RBFOX1: variants seen among roughly 807,000 people sequenced by gnomAD.
RBFOX1 encodes the protein RNA binding protein fox-1 homolog 1.
RBFOX1 carries 8 observed loss-of-function variants against 57.7 expected under a neutral mutation model. That is an observed-to-expected ratio of 0.14 (90% CI 0.08 to 0.25). RBFOX1 has a LOEUF of 0.25. Ranked by LOEUF, RBFOX1 falls within the 10% of genes least tolerant of loss-of-function variation. The pLI is 1.00. For missense variants in RBFOX1, 611 were observed against 548.5 expected (o/e 1.11, Z -1.14); for synonymous variants, 326 against 222.4 (o/e 1.47, Z -4.15).
intron 4 of RBFOX1, among the ~76,000 whole-genome samples, chr16:7,267,126 G>C (rs1037057621): frequency 6.6e-6 from 1 of 152,194 alleles, no homozygotes; most frequent in Non-Finnish European, 1.5e-5. Flanking sequence ...AATGCAATGG[G>C]GAGCTGGGCA....
intron 4 of RBFOX1, among the ~76,000 whole-genome samples, chr16:7,209,498 C>T (rs540333933): frequency 5.9e-5 from 9 of 152,294 alleles, no homozygotes; most frequent in African/African-American, 1.9e-4. Context: ...CAGTTGGCTC[C>T]TGCCAGCTTA....
chr16:6,438,838 C>G (rs2094304368), intron 2 of RBFOX1, among the ~76,000 whole-genome samples: 1 of 152,176 alleles, frequency 6.6e-6, no homozygotes, highest in Non-Finnish European at 1.5e-5. Flanking sequence ...GTGCTCACCA[C>G]TGTACCTGAG....
intron 3 of RBFOX1, among the ~76,000 whole-genome samples, chr16:5,716,240 G>T (rs1011705167): frequency 6.6e-6 from 1 of 152,040 alleles, no homozygotes; most frequent in South Asian, 2.1e-4. Flanking sequence ...TAAAATCAGC[G>T]GCAAAAACTG....
intron 4 of RBFOX1, among the ~76,000 whole-genome samples, chr16:7,181,856 C>A (rs530166387): frequency 1.3e-5 from 2 of 152,102 alleles, no homozygotes; most frequent in Non-Finnish European, 2.9e-5. Flanking sequence ...ACACCATACC[C>A]GGGCCCCAGA....
chr16:5,359,975 A>G (rs1015698668), intron 1 of RBFOX1, among the ~76,000 whole-genome samples: 5 of 152,204 alleles, frequency 3.3e-5, no homozygotes, highest in Admixed American at 6.5e-5. Flanking sequence ...TTTGTTCCAG[A>G]GCGAAAACAA....
chr16:6,703,643 G>C (rs533883771), intron 3 of RBFOX1, among the ~76,000 whole-genome samples: 8 of 152,198 alleles, frequency 5.3e-5, no homozygotes, highest in African/African-American at 1.9e-4. Context: ...AGAAGTTGAG[G>C]CTGCAGTGAG....
In RBFOX1 at chr16:7,101,219, G is replaced by A. The variant is rs562896804; in HGVS notation, c.27+49121G>A. On this transcript the variant is annotated intron_variant, in intron 4 of 15. Coordinates refer to ENST00000550418, the MANE Select transcript of RBFOX1 (RefSeq NM_018723.4). ...ATGCAGGCCCCATTTTTGTGACTAGGAATTTATTCTGCACCAGCGTGGCAT... is the reference window on the plus strand; with the variant it reads ...ATGCAGGCCCCATTTTTGTGACTAGAAATTTATTCTGCACCAGCGTGGCAT... 2.0e-5 allele frequency among the ~76,000 whole-genome samples: 3 copies of A among 152,180 alleles called. No homozygotes were observed. In the East Asian group the frequency reaches 5.8e-4, roughly 29 times the overall value.
chr16:5,347,943 T>C (rs2065178891), intron 1 of RBFOX1, among the ~76,000 whole-genome samples: 1 of 107,642 alleles, frequency 9.3e-6, no homozygotes. Context: ...CACTCAATCA[T>C]GCACTCATTC....
At chr16:6,800,509 C>T (rs764156086) in intron 3 of RBFOX1, among the ~76,000 whole-genome samples, 1 of 152,046 alleles carries the variant, frequency 6.6e-6, no homozygotes, top group Non-Finnish European at 1.5e-5. Context: ...AATAGGCTTC[C>T]AGGTGATTCA....
At chr16:7,672,408 A>G (rs930691455) in intron 13 of RBFOX1, among the ~76,000 whole-genome samples, 1 of 152,220 alleles carries the variant, frequency 6.6e-6, no homozygotes, top group Non-Finnish European at 1.5e-5. Flanking sequence ...TTACGAAAGT[A>G]CTTTTTGTAA....
intron 5 of RBFOX1, among the ~76,000 whole-genome samples, chr16:7,536,979 G>T (rs990766882): frequency 6.6e-6 from 1 of 152,192 alleles, no homozygotes; most frequent in African/African-American, 2.4e-5. Flanking sequence ...GGTGGCCCAA[G>T]TTGAGGATAA....
chr16:5,823,730 C>G (rs540051061), intron 3 of RBFOX1, among the ~76,000 whole-genome samples: 4 of 152,246 alleles, frequency 2.6e-5, no homozygotes, highest in Admixed American at 1.3e-4. Context: ...GTTGCATGCT[C>G]CTTATGAGAA....
chr16:6,822,522 C>T (rs1042494792), intron 3 of RBFOX1, among the ~76,000 whole-genome samples: 1 of 152,166 alleles, frequency 6.6e-6, no homozygotes, highest in African/African-American at 2.4e-5. Context: ...AATGCAATTC[C>T]ACTTCGTGGC....
At chr16:6,337,530 A>T (rs78202719) in intron 2 of RBFOX1, among the ~76,000 whole-genome samples, 12 of 152,338 alleles carry the variant, frequency 7.9e-5, no homozygotes, top group African/African-American at 2.9e-4. Context: ...GAAATGATTG[A>T]TGTGGAAGTA....
At chr16:7,687,331 A>G (rs1020378079) in intron 14 of RBFOX1, among the ~76,000 whole-genome samples, 2 of 152,044 alleles carry the variant, frequency 1.3e-5, no homozygotes, top group African/African-American at 4.8e-5. Flanking sequence ...CTCCCTTTGA[A>G]GGTGATAAAA....
At position 6,855,875 on chromosome 16, in the gene RBFOX1, C is replaced by T. The variant is rs534191898; in HGVS notation, c.-15-196182C>T. Among the ~76,000 whole-genome samples the T allele has an allele frequency of 2.7e-5, 4 of 150,578 alleles. No homozygotes were observed. In the East Asian group the frequency reaches 6.0e-4, roughly 23 times the overall value. On this transcript the variant is annotated intron_variant, in intron 3 of 15. Coordinates refer to ENST00000550418, the MANE Select transcript of RBFOX1 (RefSeq NM_018723.4). The stretch of plus-strand genomic sequence containing the variant: ...CCTCCCTTCCTTTCTTCCCTGCTTT[C>T]TTCCCTCCTTGTCTCCCTCCTTACC...
At chr16:6,704,758 G>C (rs1034805862) in intron 3 of RBFOX1, 1 of 152,084 alleles carries the variant, frequency 6.6e-6, no homozygotes, top group African/African-American at 2.4e-5. Context: ...TCTGCCATCT[G>C]GTCTCGGAGA....
intron 1 of RBFOX1, among the ~76,000 whole-genome samples, chr16:6,234,058 G>GCT (rs1400612126): frequency 9.2e-5 from 14 of 152,262 alleles, no homozygotes; most frequent in Admixed American, 3.3e-4. Context: ...CAGATGGGCA[G>GCT]GCTGGCCAAA....
At chr16:5,660,145 G>A (rs2049597637) in intron 3 of RBFOX1, among the ~76,000 whole-genome samples, 1 of 152,214 alleles carries the variant, frequency 6.6e-6, no homozygotes, top group South Asian at 2.1e-4. Flanking sequence ...GCGAGAATGG[G>A]ACTCAGGTTG....
Sources: allele counts gnomAD v4.1 joint callset (sites outside exome capture counted in the v4.1 genomes callset), GRCh38; gene constraint gnomAD v4.1.1; transcripts MANE v1.5; gene names NCBI Gene and HGNC (gene_info 2026-07-23, HGNC 2026-07-21).